The following RYR3 variants were observed in gnomAD, a reference collection of about 807,000 sequenced individuals.
RYR3 encodes ryanodine receptor 3, also known as brain ryanodine receptor-calcium release channel.
A neutral mutation model predicts 584.3 loss-of-function variants in RYR3; 207 were observed. That is an observed-to-expected ratio of 0.35 (90% confidence interval 0.32 to 0.40). RYR3 has a LOEUF of 0.40. Among genes scored for constraint, RYR3 ranks in the 10% least tolerant of loss-of-function variants. The probability of loss-of-function intolerance (pLI) is 1.00; values close to 1 mark genes in which losing one functional copy is unlikely to be tolerated. For missense variants in RYR3, 5,616 were observed against 6,089.2 expected, an observed-to-expected ratio of 0.92 and a Z score of 2.59; for synonymous variants, 2,416 against 2,248.5, an observed-to-expected ratio of 1.07 and a Z score of -2.11.
intron 36 of RYR3, among the ~76,000 whole-genome samples, chr15:33,664,589 G>GTATGTATATATATATATATATATA (rs1555399465): frequency 4.4e-5 from 4 of 91,354 alleles, no homozygotes; most frequent in African/African-American, 1.8e-4. Flanking sequence ...GTGTGTGTGT[G>GTATGTATATATATATATATATATA]TATATATATA....
At chr15:33,716,879 A>AC (rs946488407) in intron 43 of RYR3, among the ~76,000 whole-genome samples, 1 of 151,856 alleles carries the variant, frequency 6.6e-6, no homozygotes, top group African/African-American at 2.4e-5. Context: ...TGAAACAAAA[A>AC]AAAAATCCAC....
intron 16 of RYR3, 94 bp downstream of exon 16, chr15:33,586,210 C>A: frequency 1.4e-6 from 1 of 739,414 alleles, no homozygotes; most frequent in South Asian, 1.7e-5. Context: ...GTTGATTAGT[C>A]TTTCTTGACT....
At chr15:33,844,735 A>T (rs560537268) in intron 92 of RYR3, 127 bp from the exon 93 acceptor site, 80 of 799,190 alleles carry the variant, frequency 1.0e-4, no homozygotes, top group African/African-American at 8.0e-4. Context: ...AACCTCATTC[A>T]TTCAGCAAGT....
chr15:33,729,050 A>C (rs56160413), intron 47 of RYR3, 24 bp downstream of exon 47: 43,804 of 1,601,274 alleles, frequency 0.027, 725 homozygotes, highest in Middle Eastern at 0.042. Context: ...ATAACAAAAA[A>C]TTATTGTTCC....
chr15:33,713,327 T>C (rs1051764105), intron 43 of RYR3, among the ~76,000 whole-genome samples: 3 of 151,816 alleles, frequency 2.0e-5, no homozygotes, highest in Admixed American at 2.0e-4. Flanking sequence ...TAGTGGAATA[T>C]GATAGTTGGT....
At chr15:33,374,958 A>G (rs1595890120) in intron 1 of RYR3, among the ~76,000 whole-genome samples, 5 of 152,360 alleles carry the variant, frequency 3.3e-5, no homozygotes, top group Admixed American at 3.3e-4. Flanking sequence ...TTGAATATTT[A>G]TTATAATCAC....
chr15:33,780,216 G>T lies in RYR3; in HGVS notation c.9143G>T (p.Arg3048Leu), dbSNP rs139568967. Residue 3048 changes from arginine (R) to leucine (L), a missense_variant, in exon 65 of 104, where the codon CGC (arginine) becomes CTC (leucine). This residue lies in a region of RYR3 where 954 missense variants were observed against 1,132.2 expected (regional missense o/e 0.84). Coordinates refer to ENST00000634891, the MANE Select transcript of RYR3 (RefSeq NM_001036.6). ...TGKNIYVERQ[R>L]PALGECLASL... ...ATGGACTTCTTTGTTTCCAGGCAAC[G>T]CCCTGCCCTTGGAGAATGTCTGGCC... The T allele has an allele frequency of 2.0e-4, 316 of 1,613,656 alleles. 5 individuals carry two copies. The East Asian group carries it at 4.5e-3, about 23-fold the overall frequency.
chr15:33,777,737 T>C (rs1307976994), intron 64 of RYR3, among the ~76,000 whole-genome samples: 1 of 150,826 alleles, frequency 6.6e-6, no homozygotes, highest in African/African-American at 2.4e-5. Context: ...ACTAACCTTC[T>C]AGAAATCCAC....
At chr15:33,392,835 A>G (rs566982261) in intron 1 of RYR3, among the ~76,000 whole-genome samples, 58 of 152,346 alleles carry the variant, frequency 3.8e-4, no homozygotes, top group African/African-American at 1.3e-3. Context: ...GTATAATGCC[A>G]GTATAATTAT....
chr15:33,835,361 C>T (rs2077973703), intron 87 of RYR3, among the ~76,000 whole-genome samples: 1 of 152,124 alleles, frequency 6.6e-6, no homozygotes, highest in African/African-American at 2.4e-5. Context: ...CTAATCCTTT[C>T]TGCTTCCTTG....
chr15:33,666,611 T>C (rs1449599910), intron 36 of RYR3, among the ~76,000 whole-genome samples: 1 of 117,136 alleles, frequency 8.5e-6, no homozygotes, highest in Non-Finnish European at 2.0e-5. Flanking sequence ...AAAATTACAA[T>C]TTTAAAACAG....
chr15:33,449,121 T>C (rs1878298), intron 1 of RYR3, among the ~76,000 whole-genome samples: 101,139 of 152,088 alleles, frequency 0.67, 34,633 homozygotes, highest in African/African-American at 0.85. Context: ...TCCTGTAGGC[T>C]TGGAATCTGG....
intron 43 of RYR3, among the ~76,000 whole-genome samples, chr15:33,716,884 A>AAG (rs377277288): frequency 1.3e-5 from 2 of 150,528 alleles, no homozygotes; most frequent in East Asian, 4.0e-4. Context: ...CAAAAAAAAA[A>AAG]TCCACTTCAT....
At chr15:33,488,577 G>T (rs867628018) in intron 2 of RYR3, among the ~76,000 whole-genome samples, 6 of 151,896 alleles carry the variant, frequency 4.0e-5, no homozygotes, top group South Asian at 2.1e-4. Flanking sequence ...GTCATGGCCG[G>T]GCATGGTGGC....
At chr15:33,756,170 A>G in intron 58 of RYR3, 136 bp from the exon 59 acceptor site, 1 of 699,840 alleles carries the variant, frequency 1.4e-6, no homozygotes, top group South Asian at 1.6e-5. Flanking sequence ...GTTGTAAAGT[A>G]CTTTGTAAGA....
intron 49 of RYR3, among the ~76,000 whole-genome samples, chr15:33,737,770 A>G (rs923264799): frequency 6.6e-6 from 1 of 152,206 alleles, no homozygotes; most frequent in African/African-American, 2.4e-5. Flanking sequence ...GGCTTTGAAG[A>G]GGCATTATTG....
chr15:33,704,546 T>A (rs1259373631), intron 42 of RYR3, among the ~76,000 whole-genome samples: 1 of 152,208 alleles, frequency 6.6e-6, no homozygotes, highest in Non-Finnish European at 1.5e-5. Context: ...TCATGGTCTC[T>A]GCATCTAGAG....
chr15:33,511,276 T>G (rs2052969141), intron 3 of RYR3, among the ~76,000 whole-genome samples: 1 of 145,752 alleles, frequency 6.9e-6, no homozygotes, highest in Non-Finnish European at 1.5e-5. Flanking sequence ...TGCAAACCTC[T>G]AAGATAACAA....
chr15:33,662,207 C>T lies in RYR3; in HGVS notation c.4677C>T (p.Tyr1559=), dbSNP rs756679547. ...AGGAGGACCTGATGCGGTTCCATTA[C>T]CACACGCTGAGGCTCTACAGCGCGG... ...CEQEDLMRFH[Y]HTLRLYSAVC... Residue 1559 remains tyrosine, a synonymous_variant, in exon 35 of 104, where the codon TAC becomes TAT. Coordinates refer to ENST00000634891, the MANE Select transcript of RYR3 (RefSeq NM_001036.6). 6.8e-6 allele frequency: 11 copies of T among 1,608,046 alleles called. No homozygotes were observed. The highest frequency in any genetic ancestry group is 9.3e-6 in the Non-Finnish European group (11 of 1,177,836).
Sources: gnomAD v4.1 joint callset for allele counts (sites outside exome capture counted in the v4.1 genomes callset) on GRCh38, gnomAD v4.1.1 for gene constraint, gnomAD v4.1.1 regional missense constraint, MANE v1.5 for transcripts, NCBI Gene and HGNC (gene_info 2026-07-23, HGNC 2026-07-21) for gene names.